The following RBM25 variants were observed in gnomAD, a reference collection of about 807,000 sequenced individuals.
RBM25 encodes the protein RNA-binding protein 25.
RBM25 carries 19 observed loss-of-function variants against 120.7 expected under a neutral mutation model. That is an observed-to-expected ratio of 0.16 (90% CI 0.11 to 0.23). The LOEUF is 0.23. Ranked by LOEUF, RBM25 falls within the 10% of genes least tolerant of loss-of-function variation. The pLI is 1.00. For missense variants in RBM25, 605 were observed against 1,041.5 expected (o/e 0.58, Z 5.77); for synonymous variants, 390 against 326.7 (o/e 1.19, Z -2.09).
chr14:73,109,635 T>C, intron 14 of RBM25, 143 bp downstream of exon 14: 4 of 735,862 alleles, frequency 5.4e-6, no homozygotes, highest in Non-Finnish European at 8.2e-6. Context: ...CTATTAAAAA[T>C]ACAAAAGATT....
rs78926776 is a variant in RBM25 at position 73,066,180 on chromosome 14, C to T, written c.-15-5447C>T. 6.1e-3 allele frequency among the ~76,000 whole-genome samples: 925 copies of T among 152,102 alleles called. 13 individuals are homozygous for T. Among genetic ancestry groups the T allele is most frequent in the African/African-American group, 0.021 (875 of 41,486 alleles). The stretch of plus-strand genomic sequence containing the variant: ...CCCTTTCTGTTTTAAAAAGAGATAC[C>T]ACCCCCAGTTTTTGGTTTTGGTCAA... On this transcript the variant is annotated intron_variant, in intron 1 of 18. Coordinates refer to ENST00000261973, the MANE Select transcript of RBM25 (RefSeq NM_021239.3).
chr14:73,111,256 G>A, intron 15 of RBM25, 101 bp downstream of exon 15: 1 of 1,057,450 alleles, frequency 9.5e-7, no homozygotes, highest in South Asian at 1.7e-5. Flanking sequence ...GCTTGGTTAG[G>A]TAGATAGAAG....
At chr14:73,075,439 G>A (rs145102352) in intron 2 of RBM25, among the ~76,000 whole-genome samples, 3,451 of 152,236 alleles carry the variant, frequency 0.023, 135 homozygotes, top group African/African-American at 0.076. Context: ...CATTACAGGC[G>A]TGAGCCACTG....
chr14:73,084,969 G>C (rs1340686978), intron 5 of RBM25, among the ~76,000 whole-genome samples: 1 of 152,154 alleles, frequency 6.6e-6, no homozygotes, highest in African/African-American at 2.4e-5. Context: ...AATAGCATCA[G>C]TGTTGCCAGT....
intron 18 of RBM25, among the ~76,000 whole-genome samples, chr14:73,115,521 C>T (rs1017780632): frequency 2.0e-5 from 3 of 152,174 alleles, no homozygotes; most frequent in Non-Finnish European, 4.4e-5. Context: ...TTTATGGCCA[C>T]AAGATTGTAC....
At chr14:73,081,815 T>C (rs1895570690) in intron 4 of RBM25, among the ~76,000 whole-genome samples, 1 of 152,364 alleles carries the variant, frequency 6.6e-6, no homozygotes, top group Non-Finnish European at 1.5e-5. Context: ...AAGTCCCGCA[T>C]CATTCTGAAT....
intron 2 of RBM25, 48 bp from the exon 3 acceptor site, chr14:73,076,271 G>A (rs1895418664): frequency 6.9e-7 from 1 of 1,458,266 alleles, no homozygotes; most frequent in South Asian, 1.1e-5. Context: ...GCATGTTGTT[G>A]ATAGAGAATG....
chr14:73,100,390 T>C, intron 9 of RBM25: 3 of 618,276 alleles, frequency 4.9e-6, no homozygotes, highest in Non-Finnish European at 8.9e-6. Flanking sequence ...TTTTTTATTA[T>C]ATTTATGGAT....
chr14:73,104,601 A>G (rs1896140801), intron 10 of RBM25, among the ~76,000 whole-genome samples: 1 of 152,024 alleles, frequency 6.6e-6, no homozygotes, highest in African/African-American at 2.4e-5. Context: ...TCCTGAGCTC[A>G]GGTAATCTGC....
In RBM25 at chr14:73,090,075, C is replaced by T. The variant is rs73301260; in HGVS notation, c.543+1914C>T. Among the ~76,000 whole-genome samples, 527 of 149,808 alleles carry T rather than the reference C, an allele frequency of 3.5e-3. 3 individuals carry two copies. The highest frequency in any genetic ancestry group is 0.012 in the African/African-American group (488 of 40,784). On this transcript the variant is annotated intron_variant, in intron 6 of 18. Transcript: ENST00000261973. ...GTACCCCCCCTCTTTTTTTTTGATGCAGTCTCGCTTTGTTGCCCAGACTGG... is the reference window on the plus strand; with the variant it reads ...GTACCCCCCCTCTTTTTTTTTGATGTAGTCTCGCTTTGTTGCCCAGACTGG...
chr14:73,071,688 C>G lies in RBM25; in HGVS notation c.47C>G (p.Ala16Gly), dbSNP rs1413544849. Residue 16 changes from alanine to glycine, a missense_variant, in exon 2 of 19, where the codon GCA becomes GGA. By Grantham distance (60) the Ala-to-Gly change is moderately conservative. Coordinates refer to ENST00000261973, the MANE Select transcript of RBM25 (RefSeq NM_021239.3). ...AATCGCCCTCCCATGGGAATCCCAG[C>G]ACTCCCACCAGGGATCCCACCCCCG... ...HLNRPPMGIP[A>G]LPPGIPPPQF... 6.2e-7 allele frequency: 1 copy of G among 1,614,042 alleles called. No individual in the cohort carries two copies. The highest frequency in any genetic ancestry group is 8.5e-7 in the Non-Finnish European group (1 of 1,179,940).
At chr14:73,079,092 A>G (rs1480668538) in intron 4 of RBM25, among the ~76,000 whole-genome samples, 1 of 148,612 alleles carries the variant, frequency 6.7e-6, no homozygotes, top group Non-Finnish European at 1.5e-5. Flanking sequence ...TTGATGATAC[A>G]TGTACATTGT....
At chr14:73,068,191 C>T (rs528246628) in intron 1 of RBM25, 10 of 866,030 alleles carry the variant, frequency 1.2e-5, no homozygotes, top group Admixed American at 7.2e-5. Context: ...ATGTGGAAAG[C>T]CTTGTTTTGG....
At chr14:73,100,445 G>A (rs372985978) in intron 9 of RBM25, 1 of 546,286 alleles carries the variant, frequency 1.8e-6, no homozygotes. Flanking sequence ...CTTGGAAATG[G>A]GTATTTATGC....
Position 73,094,240 on chromosome 14 carries a change from A to G in RBM25, c.544-2675A>G, listed in dbSNP as rs573757199. On this transcript the variant is annotated intron_variant, in intron 6 of 18. Coordinates refer to ENST00000261973, the MANE Select transcript of RBM25 (RefSeq NM_021239.3). ...AGTGCTGGGATTATAGGTGTGAGCC[A>G]CTGCATCCGGCCTAGGTTTTTTGTT... Among the ~76,000 whole-genome samples, 374 of 150,826 alleles carry G rather than the reference A, an allele frequency of 2.5e-3. 2 individuals are homozygous for G. The highest frequency in any genetic ancestry group is 4.1e-3 in the Non-Finnish European group (277 of 67,710).
At chr14:73,095,872 G>A (rs1158220866) in intron 6 of RBM25, among the ~76,000 whole-genome samples, 1 of 152,128 alleles carries the variant, frequency 6.6e-6, no homozygotes, top group African/African-American at 2.4e-5. Context: ...CAAGTAAGTC[G>A]TTAAAAACTT....
chr14:73,068,107 C>A, intron 1 of RBM25: 1 of 711,080 alleles, frequency 1.4e-6, no homozygotes. Context: ...CCAACTTTAC[C>A]TCGTTCACAG....
chr14:73,119,878 G>A lies in RBM25; in HGVS notation c.*73G>A. ...TTTTAAGGACTTTGAATTTTTCTTT[G>A]TCTTTGAAGACATTGTGAGATCTGT... On this transcript the variant is annotated 3_prime_UTR_variant, in exon 19 of 19. Coordinates refer to ENST00000261973, the MANE Select transcript of RBM25 (RefSeq NM_021239.3). The A allele has an allele frequency of 6.6e-7, 1 of 1,520,682 alleles. No homozygotes were observed. Among genetic ancestry groups the A allele is most frequent in the Admixed American group, 2.4e-5 (1 of 41,978 alleles). 94.2% of individuals were successfully genotyped at this position (1,520,682 alleles called of 1,614,324 possible). A position where few individuals can be genotyped will look rare whatever the true frequency, so the allele number is the denominator to read the frequency against.
chr14:73,068,291 C>G, intron 1 of RBM25: 1 of 839,280 alleles, frequency 1.2e-6, no homozygotes, highest in Non-Finnish European at 2.0e-6. Context: ...TTGTGGGTCA[C>G]TCTCTTGTGA....
Sources: allele counts gnomAD v4.1 joint callset (sites outside exome capture counted in the v4.1 genomes callset), GRCh38; gene constraint gnomAD v4.1.1; transcripts MANE v1.5; gene names NCBI Gene and HGNC (gene_info 2026-07-23, HGNC 2026-07-21).